Variants in TPP1 observed in about 807,000 individuals in gnomAD.
TPP1 encodes tripeptidyl-peptidase 1.
In TPP1, 43 loss-of-function variants were observed where a neutral mutation model predicts 67.6. The observed-to-expected ratio is 0.64, with a 90% CI of 0.50 to 0.82. TPP1 has a LOEUF of 0.82. Among genes scored for constraint, TPP1 ranks in the 40% least tolerant of loss-of-function variants. TPP1 has a pLI of 0.00. For synonymous variants in TPP1, 272 were observed against 281.5 expected (o/e 0.97, Z 0.34); for missense variants, 671 against 710.9 (o/e 0.94, Z 0.64).
intron 3 of TPP1, 56 bp from the exon 4 acceptor site, chr11:6,617,832 C>A: frequency 6.2e-7 from 1 of 1,612,502 alleles, no homozygotes; most frequent in Non-Finnish European, 8.5e-7. Flanking sequence ...CAAACTCCCC[C>A]TTTTGGACCT....
Position 6,614,585 on chromosome 11 carries a change from G to C in TPP1, c.1653C>G (p.Pro551=), listed in dbSNP as rs372564255. 2.2e-4 allele frequency: 349 copies of C among 1,614,128 alleles called. No homozygotes were observed. The highest frequency in any genetic ancestry group is 2.8e-4 in the Non-Finnish European group (332 of 1,180,020). ...GAGTCTTCAGCAAAGCTGGGAAGTT[G>C]GGTGTTCCCCAGCCTGTTACAGGAT... ...GWDPVTGWGT[P]NFPALLKTLL... The change falls in exon 13 of 13, where the codon CCC becomes CCG. Residue 551 remains proline (P), a synonymous_variant. Transcript: ENST00000299427.
Position 6,617,758 on chromosome 11 carries a change from T to G in TPP1, c.248A>C (p.Glu83Ala). The G allele has an allele frequency of 6.2e-7, 1 of 1,614,222 alleles. No homozygotes were observed. Residue 83 changes from glutamate (E) to alanine (A), a missense_variant, in exon 4 of 13, where the codon GAG (glutamate) becomes GCG (alanine). Transcript: ENST00000299427. Reference sequence around the variant, plus strand: ...TGGCCTCACCAGATCAGCCACATTCTCTAGGGTCAGGTATTTTCCTGCAGG... The same window carrying G: ...TGGCCTCACCAGATCAGCCACATTCGCTAGGGTCAGGTATTTTCCTGCAGG... Reference protein sequence around the residue: ...SPQYGKYLTLENVADLVRPSP... With the variant: ...SPQYGKYLTLANVADLVRPSP...
Position 6,613,554 on chromosome 11 carries a change from T to C in TPP1, c.*992A>G, listed in dbSNP as rs1466672140. 6.6e-6 allele frequency: 1 copy of C among 152,634 alleles called. No individual in the cohort carries two copies. Among genetic ancestry groups the C allele is most frequent in the East Asian group, 1.9e-4 (1 of 5,206 alleles). 9.5% of individuals were successfully genotyped at this position (152,634 alleles called of 1,614,324 possible). On this transcript the variant is annotated 3_prime_UTR_variant, in exon 13 of 13. Coordinates refer to ENST00000299427, the MANE Select transcript of TPP1 (RefSeq NM_000391.4). ...TGGCAGGAAGTAAGGACACTTTTTTTCAAGAGAATATAGCCCTAAACTAAG... is the reference window on the plus strand; with the variant it reads ...TGGCAGGAAGTAAGGACACTTTTTTCCAAGAGAATATAGCCCTAAACTAAG...
chr11:6,616,808 A>G lies in TPP1; in HGVS notation c.739T>C (p.Phe247Leu), dbSNP rs1855593079. 6.2e-7 allele frequency: 1 copy of G among 1,613,950 alleles called. No individual in the cohort carries two copies. Reference sequence around the variant, plus strand: ...GCCTGATGTGCAAAGTTGCCACCGAAGAGGCGCATGAACTGAGCCAGGTCT... The same window carrying G: ...GCCTGATGTGCAAAGTTGCCACCGAGGAGGCGCATGAACTGAGCCAGGTCT... Reference protein sequence around the residue: ...DSDLAQFMRLFGGNFAHQASV... With the variant: ...DSDLAQFMRLLGGNFAHQASV... Residue 247 changes from phenylalanine to leucine, a missense_variant, in exon 7 of 13, where the codon TTC becomes CTC. Phe to Leu is a conservative substitution (Grantham distance 22, BLOSUM62 0). Coordinates refer to ENST00000299427, the MANE Select transcript of TPP1 (RefSeq NM_000391.4).
In TPP1 at chr11:6,617,344, A is replaced by G. The variant is rs778947332; in HGVS notation, c.465T>C (p.His155=). The part of the protein sequence containing the change: ...PTETHVVRSP[H]PYQLPQALAP... Reference sequence around the variant, plus strand: ...CCAAGGCCTGTGGAAGCTGGTAGGGATGTGGGGACCTTACAACATGGGTTT... The same window carrying G: ...CCAAGGCCTGTGGAAGCTGGTAGGGGTGTGGGGACCTTACAACATGGGTTT... Residue 155 remains histidine (H), a synonymous_variant, in exon 5 of 13, where the codon CAT becomes CAC. Coordinates refer to ENST00000299427, the MANE Select transcript of TPP1 (RefSeq NM_000391.4). 8.7e-6 allele frequency: 14 copies of G among 1,613,952 alleles called. No individual in the cohort carries two copies. In the Admixed American group the frequency reaches 1.0e-4, roughly 12 times the overall value.
chr11:6,615,742 A>T (rs1855571732), intron 9 of TPP1, 180 bp from the exon 10 acceptor site: 1 of 838,928 alleles, frequency 1.2e-6, no homozygotes, highest in Non-Finnish European at 1.9e-6. Context: ...GACTGTGCAC[A>T]CTTTTCTCTA....
In TPP1 at chr11:6,615,317, T is replaced by C. The variant is rs769487055; in HGVS notation, c.1279A>G (p.Thr427Ala). 2 of 1,614,060 alleles carry C rather than the reference T, an allele frequency of 1.2e-6. No homozygotes were observed. Residue 427 changes from threonine (T) to alanine (A), a missense_variant, in exon 11 of 13, where the codon ACG (threonine) becomes GCG (alanine). Transcript: ENST00000299427. ...PRPSYQEEAVTKFLSSSPHLP... is the reference protein window; with the variant it reads ...PRPSYQEEAVAKFLSSSPHLP... ...TGGGGGCTAGAGCTCAGGAACTTCG[T>C]TACAGCTTCCTCCTGAAAGGCATTT... is the stretch of plus-strand genomic sequence containing the variant.
In TPP1 at chr11:6,615,381, C is replaced by G. The variant is rs1242167656; in HGVS notation, c.1267-52G>C. On this transcript the variant is annotated intron_variant, in intron 10 of 12. Coordinates refer to ENST00000299427, the MANE Select transcript of TPP1 (RefSeq NM_000391.4). The stretch of plus-strand genomic sequence containing the variant: ...GGCATGTGGCCTGCCCAGCAGTCAG[C>G]TGAACTGAGGATCCCCCATCCTCAC... 6.8e-6 allele frequency: 11 copies of G among 1,614,164 alleles called. No homozygotes were observed. In the Admixed American group the frequency reaches 1.3e-4, roughly 20 times the overall value.
chr11:6,614,332 A>C lies in TPP1; in HGVS notation c.*214T>G, dbSNP rs1855541991. The C allele has an allele frequency of 1.6e-6, 1 of 615,400 alleles. No individual in the cohort carries two copies. The highest frequency in any genetic ancestry group is 1.8e-5 in the African/African-American group (1 of 54,356). The allele number at this position is 615,400 out of a possible 1,614,324, so 38.1% of individuals were successfully genotyped here. ...AAATGCTAGTTACAGCATCTTATTG[A>C]GGAATCTAAGGCAGGAGTAGGGAGA... On this transcript the variant is annotated 3_prime_UTR_variant, in exon 13 of 13. Transcript: ENST00000299427.
rs1855558095 is a variant in TPP1 at position 6,615,114 on chromosome 11, G to A, written c.1425+57C>T. The A allele has an allele frequency of 3.7e-6, 6 of 1,613,828 alleles. No individual in the cohort carries two copies. In the South Asian group the frequency reaches 5.5e-5, roughly 15 times the overall value. ...GGGTTCTAGGTGCAAGGTGTTCAAG[G>A]TGTTAGGGGGTAAGGGTAGTTCCTG... On this transcript the variant is annotated intron_variant, in intron 11 of 12. Transcript: ENST00000299427.
In TPP1 at chr11:6,616,086, CA is replaced by C. The variant is rs1447943049; in HGVS notation, c.1076-13del. On this transcript the variant is annotated splice_polypyrimidine_tract_variant and intron_variant, in intron 8 of 12. Transcript: ENST00000299427. The stretch of plus-strand genomic sequence containing the variant: ...GGCCCCACTGTCACCTGAGAGAGAC[CA>C]AGTGTAGCATTCATATTAATTGGTT... 2.5e-6 allele frequency: 4 copies of C among 1,614,090 alleles called. No individual in the cohort carries two copies. In the Admixed American group the frequency reaches 5.0e-5, roughly 20 times the overall value.
chr11:6,615,090 G>T lies in TPP1; in HGVS notation c.1425+81C>A. Reference sequence around the variant, plus strand: ...TATCAGACATCTCTAAGGAGTCAGGGGTTCTAGGTGCAAGGTGTTCAAGGT... The same window carrying T: ...TATCAGACATCTCTAAGGAGTCAGGTGTTCTAGGTGCAAGGTGTTCAAGGT... On this transcript the variant is annotated intron_variant, in intron 11 of 12. Coordinates refer to ENST00000299427, the MANE Select transcript of TPP1 (RefSeq NM_000391.4). 2.5e-6 allele frequency: 4 copies of T among 1,613,676 alleles called. No homozygotes were observed. In the East Asian group the frequency reaches 6.7e-5, roughly 27 times the overall value.
At position 6,616,985 on chromosome 11, in the gene TPP1, G is replaced by A. The variant is rs1855595839; in HGVS notation, c.677C>T (p.Ala226Val). ...VGSGTSNNSQ[A>V]CAQFLEQYFH... ...CTTTGCTTGGCTCACCTGGGCACAG[G>A]CTTGGCTGTTATTGCTGGTGCCAGA... The change falls in exon 6 of 13, where the codon GCC becomes GTC. Residue 226 changes from alanine (A) to valine (V), a missense_variant. Coordinates refer to ENST00000299427, the MANE Select transcript of TPP1 (RefSeq NM_000391.4). 1 of 1,614,158 alleles carries A rather than the reference G, an allele frequency of 6.2e-7. No individual in the cohort carries two copies. The highest frequency in any genetic ancestry group is 8.5e-7 in the Non-Finnish European group (1 of 1,180,006).
At chr11:6,615,794 G>A (rs1381389016) in intron 9 of TPP1, 1 of 781,620 alleles carries the variant, frequency 1.3e-6, no homozygotes. Flanking sequence ...CCTGGGAACT[G>A]ACGAAAAGGA....
rs1554901472 is a variant in TPP1 at position 6,614,638 on chromosome 11, G to A, written c.1600C>T (p.Gln534Ter). The A allele has an allele frequency of 6.2e-7, 1 of 1,614,132 alleles. No homozygotes were observed. Among genetic ancestry groups the A allele is most frequent in the African/African-American group, 1.3e-5 (1 of 75,030 alleles). Residue 534 changes from glutamine (Q) to a stop codon, truncating the protein, a stop_gained, in exon 13 of 13, where the codon CAG becomes TAG. Coordinates refer to ENST00000299427, the MANE Select transcript of TPP1 (RefSeq NM_000391.4). LOFTEE classifies it high-confidence loss of function. ...CAGCCAGGACCAGAGCAGAAACCCT[G>A]GCCCTCTACCTCTTCATCCAGACAG... ...ESCLDEEVEG[Q>*]GFCSGPGWDP...
At position 6,616,423 on chromosome 11, in the gene TPP1, C is replaced by T. The variant is rs1338244088; in HGVS notation, c.967G>A (p.Val323Met). ...NESALPHVHT[V>M]SYGDDEDSLS... ...GAGTCCTCATCATCTCCATAGCTCA[C>T]AGTATGCACATGTGGCAGGGCTGAC... is the stretch of plus-strand genomic sequence containing the variant. Residue 323 changes from valine to methionine, a missense_variant, in exon 8 of 13, where the codon GTG (valine) becomes ATG (methionine). Coordinates refer to ENST00000299427, the MANE Select transcript of TPP1 (RefSeq NM_000391.4). 3 of 1,613,634 alleles carry T rather than the reference C, an allele frequency of 1.9e-6. No individual in the cohort carries two copies. The highest frequency in any genetic ancestry group is 2.5e-6 in the Non-Finnish European group (3 of 1,180,010).
chr11:6,616,110 G>A (rs1478129647), intron 8 of TPP1, 36 bp from the exon 9 acceptor site: 1 of 1,613,352 alleles, frequency 6.2e-7, no homozygotes. Flanking sequence ...ATATTAATTG[G>A]TTAGGGCTTA....
In TPP1 at chr11:6,616,349, A is replaced by G. The variant is rs775269391; in HGVS notation, c.1041T>C (p.Ala347=). 11 of 1,613,648 alleles carry G rather than the reference A, an allele frequency of 6.8e-6. No individual in the cohort carries two copies. The South Asian group carries it at 9.9e-5, about 15-fold the overall frequency. ...IQRVNTELMK[A]AARGLTLLFA... The stretch of plus-strand genomic sequence containing the variant: ...AGAGCAGGGTGAGACCCCGAGCGGC[A>G]GCCTTCATGAGCTCAGTGTTGACCC... Residue 347 remains alanine (A), a synonymous_variant, in exon 8 of 13, where the codon GCT becomes GCC. Coordinates refer to ENST00000299427, the MANE Select transcript of TPP1 (RefSeq NM_000391.4).
intron 3 of TPP1, chr11:6,618,554 G>A (rs1159387693): frequency 1.9e-5 from 12 of 634,722 alleles, no homozygotes; most frequent in South Asian, 1.3e-4. Flanking sequence ...GGGAAGGAAC[G>A]TAAGTTGTAC....
Sources: gnomAD v4.1 joint callset for allele counts on GRCh38, gnomAD v4.1.1 for gene constraint, MANE v1.5 for transcripts, NCBI Gene and HGNC (gene_info 2026-07-23, HGNC 2026-07-21) for gene names.